ATP9A: variants seen among roughly 807,000 people sequenced by gnomAD.
ATP9A encodes the protein probable phospholipid-transporting ATPase IIA.
ATP9A carries 52 observed loss-of-function variants against 144.1 expected under a neutral mutation model. The observed-to-expected ratio is 0.36, with a 90% CI of 0.29 to 0.45. ATP9A has a LOEUF of 0.45. Ranked by LOEUF, ATP9A falls within the 20% of genes least tolerant of loss-of-function variation. The probability of loss-of-function intolerance (pLI) is 1.00; values close to 1 mark genes in which losing one functional copy is unlikely to be tolerated. For missense variants in ATP9A, 947 were observed against 1,392.7 expected (o/e 0.68, Z 5.09); for synonymous variants, 582 against 557.4 (o/e 1.04, Z -0.62).
intron 25 of ATP9A, 83 bp downstream of exon 25, chr20:51,608,435 A>T: frequency 1.1e-6 from 1 of 914,868 alleles, no homozygotes. Flanking sequence ...AAATAAATTC[A>T]AAGAAAAAAA....
chr20:51,603,921 C>G (rs1038064668), intron 27 of ATP9A, among the ~76,000 whole-genome samples: 2 of 152,170 alleles, frequency 1.3e-5, no homozygotes, highest in Non-Finnish European at 2.9e-5. Context: ...GCTGGGACTA[C>G]AGGTGTGTGC....
At chr20:51,735,349 A>G (rs1601136353) in intron 1 of ATP9A, among the ~76,000 whole-genome samples, 1 of 150,776 alleles carries the variant, frequency 6.6e-6, no homozygotes, top group South Asian at 2.1e-4. Flanking sequence ...AGCACAGACA[A>G]TCTCCACGAC....
chr20:51,760,478 G>A (rs932414434), intron 1 of ATP9A, among the ~76,000 whole-genome samples: 4 of 152,146 alleles, frequency 2.6e-5, no homozygotes, highest in East Asian at 3.9e-4. Context: ...TGTAATCCCA[G>A]CACTTTGGGA....
At chr20:51,655,683 A>G (rs946419681) in intron 14 of ATP9A, among the ~76,000 whole-genome samples, 1 of 152,122 alleles carries the variant, frequency 6.6e-6, no homozygotes, top group African/African-American at 2.4e-5. Context: ...TTGCTGGTAG[A>G]TACGTAAAAT....
intron 1 of ATP9A, among the ~76,000 whole-genome samples, chr20:51,761,490 C>T (rs6013274): frequency 2.6e-5 from 4 of 151,922 alleles, no homozygotes; most frequent in African/African-American, 7.3e-5. Flanking sequence ...GGCCGGGCGC[C>T]GTGGCTCACG....
intron 18 of ATP9A, among the ~76,000 whole-genome samples, chr20:51,623,127 G>C (rs2077233558): frequency 6.6e-6 from 1 of 152,174 alleles, no homozygotes; most frequent in African/African-American, 2.4e-5. Flanking sequence ...CACCTCTCAG[G>C]GCTGAGCCTC....
Position 51,599,267 on chromosome 20 carries a change from C to T in ATP9A, c.*1944G>A, listed in dbSNP as rs2077132296. The T allele has an allele frequency of 2.0e-5, 3 of 152,212 alleles. No homozygotes were observed. The highest frequency in any genetic ancestry group is 2.0e-4 in the Admixed American group (3 of 15,278). The allele number at this position is 152,212 out of a possible 1,614,324, so 9.4% of individuals were successfully genotyped here. On this transcript the variant is annotated 3_prime_UTR_variant, in exon 28 of 28. Transcript: ENST00000338821. ...AGCGTTACAGAGCCAGGTTCAGCAT[C>T]TGCAAAGTCTAAATGGGACTATCTT...
intron 21 of ATP9A, 135 bp downstream of exon 21, chr20:51,618,527 G>T: frequency 7.9e-7 from 1 of 1,272,896 alleles, no homozygotes; most frequent in Non-Finnish European, 1.1e-6. Context: ...TCTGAGAGGT[G>T]GAGAAAAATC....
At chr20:51,703,594 T>G (rs1411578129) in intron 4 of ATP9A, among the ~76,000 whole-genome samples, 1 of 152,192 alleles carries the variant, frequency 6.6e-6, no homozygotes, top group African/African-American at 2.4e-5. Flanking sequence ...AAGCCTTTCA[T>G]AAGCAAACCT....
At chr20:51,728,496 C>T (rs60741715) in intron 2 of ATP9A, among the ~76,000 whole-genome samples, 10,240 of 151,844 alleles carry the variant, frequency 0.067, 783 homozygotes, top group African/African-American at 0.19. Context: ...GGCGTGGTGG[C>T]GGGTGCCTGT....
intron 1 of ATP9A, among the ~76,000 whole-genome samples, chr20:51,752,533 A>G (rs970127951): frequency 6.6e-6 from 1 of 152,234 alleles, no homozygotes; most frequent in Non-Finnish European, 1.5e-5. Flanking sequence ...TTTAGTCTTC[A>G]TGCTATAAAC....
chr20:51,695,851 A>C (rs2077568551), intron 6 of ATP9A, among the ~76,000 whole-genome samples: 1 of 152,220 alleles, frequency 6.6e-6, no homozygotes, highest in Non-Finnish European at 1.5e-5. Context: ...TGTATGCGTG[A>C]CTTTACCAGC....
intron 13 of ATP9A, among the ~76,000 whole-genome samples, chr20:51,668,216 G>T (rs1287107017): frequency 6.7e-6 from 1 of 150,002 alleles, no homozygotes; most frequent in Non-Finnish European, 1.5e-5. Context: ...TCTAGTGATC[G>T]GGTGGGAGCA....
intron 1 of ATP9A, among the ~76,000 whole-genome samples, chr20:51,762,906 G>C (rs1282646315): frequency 6.6e-6 from 1 of 151,604 alleles, no homozygotes; most frequent in Non-Finnish European, 1.5e-5. Flanking sequence ...TTTTTGTAGA[G>C]ACAGGGTTTC....
At chr20:51,688,160 G>A (rs946565892) in intron 9 of ATP9A, among the ~76,000 whole-genome samples, 9 of 152,174 alleles carry the variant, frequency 5.9e-5, no homozygotes, top group African/African-American at 1.9e-4. Flanking sequence ...GCCGTTAGGA[G>A]GGTTAAGTGC....
At chr20:51,760,883 C>T (rs534032450) in intron 1 of ATP9A, among the ~76,000 whole-genome samples, 4 of 151,572 alleles carry the variant, frequency 2.6e-5, no homozygotes, top group African/African-American at 9.7e-5. Flanking sequence ...ATTAGCTGGG[C>T]GTGGTGGTGG....
Position 51,764,728 on chromosome 20 carries a change from AT to A in ATP9A, c.68+3573del, listed in dbSNP as rs397864782. On this transcript the variant is annotated intron_variant, in intron 1 of 27. Coordinates refer to ENST00000338821, the MANE Select transcript of ATP9A (RefSeq NM_006045.3). ...GTTTCCCTGTCAATAAAATGGGAGA[AT>A]TTTTTTTTTTGAGATGGAGTCTTGC... Among the ~76,000 whole-genome samples, 386 of 148,678 alleles carry A rather than the reference AT, an allele frequency of 2.6e-3. 1 individual carries two copies. The highest frequency in any genetic ancestry group is 7.2e-3 in the African/African-American group (292 of 40,686).
chr20:51,672,091 C>T (rs6021366), intron 11 of ATP9A, among the ~76,000 whole-genome samples: 37,216 of 152,038 alleles, frequency 0.24, 4,933 homozygotes, highest in Non-Finnish European at 0.29. Flanking sequence ...TGAGCCACCA[C>T]GCCTGGCCGG....
At chr20:51,753,075 G>A (rs529569778) in intron 1 of ATP9A, among the ~76,000 whole-genome samples, 2 of 151,210 alleles carry the variant, frequency 1.3e-5, no homozygotes, top group South Asian at 4.2e-4. Context: ...GCACTCCAGC[G>A]TGGGCAACAA....
Sources: gnomAD v4.1 joint callset for allele counts (sites outside exome capture counted in the v4.1 genomes callset) on GRCh38, gnomAD v4.1.1 for gene constraint, MANE v1.5 for transcripts, NCBI Gene and HGNC (gene_info 2026-07-23, HGNC 2026-07-21) for gene names.